Variants in KLHL29 observed in about 807,000 individuals in gnomAD.
KLHL29 encodes kelch-like protein 29.
A neutral mutation model predicts 80.4 loss-of-function variants in KLHL29; 21 were observed. The ratio of observed to expected loss-of-function variants is 0.26; its 90% CI spans 0.19 to 0.38. The LOEUF (loss-of-function observed/expected upper bound fraction) is 0.38, where lower values mean the gene tolerates loss of function less well. KLHL29 is among the 10% of genes least tolerant of loss of function. KLHL29 has a pLI of 1.00. For missense variants in KLHL29, 867 were observed against 1,223.9 expected, an observed-to-expected ratio of 0.71 and a Z score of 4.35; for synonymous variants, 511 against 526.8, an observed-to-expected ratio of 0.97 and a Z score of 0.41.
chr2:23,601,549 G>A (rs115134765), intron 3 of KLHL29, among the ~76,000 whole-genome samples: 133 of 152,304 alleles, frequency 8.7e-4, no homozygotes, highest in African/African-American at 3.1e-3. Context: ...GATTGCAAAC[G>A]AGACCAGGCC....
intron 2 of KLHL29, among the ~76,000 whole-genome samples, chr2:23,561,592 A>G (rs1293411510): frequency 6.6e-6 from 1 of 152,292 alleles, no homozygotes; most frequent in East Asian, 1.9e-4. Flanking sequence ...ACTTTCTAGT[A>G]CTCGAACCTC....
intron 1 of KLHL29, among the ~76,000 whole-genome samples, chr2:23,437,769 C>T (rs1454257954): frequency 6.6e-6 from 1 of 152,206 alleles, no homozygotes; most frequent in Non-Finnish European, 1.5e-5. Flanking sequence ...GTTCTTTTGG[C>T]TCAGGATTGA....
chr2:23,469,238 G>A (rs1558349598), intron 1 of KLHL29, among the ~76,000 whole-genome samples: 1 of 152,290 alleles, frequency 6.6e-6, no homozygotes, highest in East Asian at 1.9e-4. Context: ...GGGAGTAGGC[G>A]CTGTGAGTCT....
intron 1 of KLHL29, among the ~76,000 whole-genome samples, chr2:23,411,806 G>C (rs1183400599): frequency 6.6e-6 from 1 of 152,096 alleles, no homozygotes; most frequent in East Asian, 1.9e-4. Flanking sequence ...TGGCAGAGTG[G>C]AGATAAGTTT....
rs549418584 is a variant in KLHL29 at position 23,472,342 on chromosome 2, G to C, written c.-153-3218G>C. 1.1e-4 allele frequency among the ~76,000 whole-genome samples: 17 copies of C among 152,256 alleles called. 1 individual carries two copies. The South Asian group carries it at 3.3e-3, about 30-fold the overall frequency. On this transcript the variant is annotated intron_variant, in intron 1 of 13. Transcript: ENST00000486442. ...ATGGCACTTCTGAGATGGTGATGCT[G>C]AGATGGAGGAAGAGGAGGAGGATGT...
At position 23,691,819 on chromosome 2, in the gene KLHL29, G is replaced by A. The variant is rs1221856092; in HGVS notation, c.1225G>A (p.Glu409Lys). 1 of 1,551,618 alleles carries A rather than the reference G, an allele frequency of 6.4e-7. No individual in the cohort carries two copies. ...IDSANAKTLL[E>K]AASKFQFHTF... is the part of the protein sequence containing the mutation. ...CTCGGCCAACGCCAAGACACTGCTG[G>A]AGGCGGCCAGCAAGTTCCAGTTCCA... The change falls in exon 7 of 14, where the codon GAG becomes AAG. Residue 409 changes from glutamate to lysine, a missense_variant. By Grantham distance (56) the Glu-to-Lys change is moderately conservative (BLOSUM62 1). Transcript: ENST00000486442.
chr2:23,396,334 C>T (rs1410067915), intron 1 of KLHL29, among the ~76,000 whole-genome samples: 3 of 152,232 alleles, frequency 2.0e-5, no homozygotes, highest in Non-Finnish European at 4.4e-5. Context: ...CACCCACATA[C>T]ATCCTGAGGC....
At chr2:23,389,571 G>A (rs1666267513) in intron 1 of KLHL29, among the ~76,000 whole-genome samples, 1 of 152,096 alleles carries the variant, frequency 6.6e-6, no homozygotes, top group South Asian at 2.1e-4. Flanking sequence ...TGTGTAAGAG[G>A]ACTGGAGAAC....
intron 3 of KLHL29, among the ~76,000 whole-genome samples, chr2:23,625,212 T>C (rs1231204884): frequency 1.3e-5 from 2 of 152,254 alleles, no homozygotes; most frequent in African/African-American, 2.4e-5. Context: ...AGCCACATGG[T>C]CTGTGCTCAG....
At chr2:23,592,925 TGGTTTTGTA>T (rs1460543268) in intron 3 of KLHL29, among the ~76,000 whole-genome samples, 1 of 152,150 alleles carries the variant, frequency 6.6e-6, no homozygotes, top group Non-Finnish European at 1.5e-5. Flanking sequence ...TTCCACCATT[TGGTTTTGTA>T]GGTCTTTAAG....
chr2:23,537,753 GGA>G (rs1433560193), intron 2 of KLHL29, among the ~76,000 whole-genome samples: 1 of 152,160 alleles, frequency 6.6e-6, no homozygotes, highest in Non-Finnish European at 1.5e-5. Flanking sequence ...GTGGGAAACT[GGA>G]GAGGCAGGGC....
intron 2 of KLHL29, among the ~76,000 whole-genome samples, chr2:23,546,441 A>C (rs916444509): frequency 1.3e-5 from 2 of 152,040 alleles, no homozygotes; most frequent in African/African-American, 4.8e-5. Context: ...TTATATCAAG[A>C]TGTGAAATAA....
At chr2:23,476,203 A>G (rs1664637476) in intron 2 of KLHL29, among the ~76,000 whole-genome samples, 1 of 151,988 alleles carries the variant, frequency 6.6e-6, no homozygotes, top group Non-Finnish European at 1.5e-5. Flanking sequence ...TTCCTTGCTT[A>G]CCTGGGTCTT....
At position 23,596,454 on chromosome 2, in the gene KLHL29, G is replaced by A. The variant is rs1668396050; in HGVS notation, c.285+33973G>A. ...CCCGTTTCATAAGCGCACTCACGTTGGAGCAGAACAGAGTCACTAGGAGGC... is the reference window on the plus strand; with the variant it reads ...CCCGTTTCATAAGCGCACTCACGTTAGAGCAGAACAGAGTCACTAGGAGGC... On this transcript the variant is annotated intron_variant, in intron 3 of 13. Coordinates refer to ENST00000486442, the MANE Select transcript of KLHL29 (RefSeq NM_052920.2). This position sits in a 1 kb window ranked among gnomAD's most constrained non-coding sequence, Gnocchi z 4.4. Among the ~76,000 whole-genome samples, 2 of 152,142 alleles carry A rather than the reference G, an allele frequency of 1.3e-5. No individual in the cohort carries two copies. The highest frequency in any genetic ancestry group is 1.3e-4 in the Admixed American group (2 of 15,270).
intron 1 of KLHL29, among the ~76,000 whole-genome samples, chr2:23,441,537 C>T (rs962241920): frequency 6.6e-6 from 1 of 151,322 alleles, no homozygotes; most frequent in Non-Finnish European, 1.5e-5. Flanking sequence ...AACTTAGTAA[C>T]CTAAAAGAAC....
intron 2 of KLHL29, among the ~76,000 whole-genome samples, chr2:23,533,933 TTG>T (rs1263220057): frequency 8.1e-6 from 1 of 123,952 alleles, no homozygotes; most frequent in Non-Finnish European, 2.0e-5. Flanking sequence ...ATGGTGTCTG[TTG>T]TTTTTTTTTT....
rs146111653 is a variant in KLHL29 at position 23,706,410 on chromosome 2, C to T, written c.2445-71C>T. The T allele has an allele frequency of 2.9e-4, 363 of 1,235,970 alleles. 1 individual carries two copies. In the East Asian group the frequency reaches 6.9e-3, roughly 23 times the overall value. 76.6% of individuals were successfully genotyped at this position (1,235,970 alleles called of 1,614,324 possible). ...ACAGGCAGCCTACAACAGGACACGA[C>T]GTTGAGAACCTATCTCCAGGGCCAA... On this transcript the variant is annotated intron_variant, in intron 13 of 13. Transcript: ENST00000486442.
intron 3 of KLHL29, among the ~76,000 whole-genome samples, chr2:23,626,738 C>T (rs1669318771): frequency 6.6e-6 from 1 of 152,216 alleles, no homozygotes; most frequent in Non-Finnish European, 1.5e-5. Context: ...GTGGATGACG[C>T]CCCTGCAGGC....
chr2:23,472,431 C>G (rs1480738496), intron 1 of KLHL29, among the ~76,000 whole-genome samples: 3 of 152,100 alleles, frequency 2.0e-5, no homozygotes, highest in Admixed American at 1.3e-4. Context: ...GTCAGAAGAT[C>G]AAGACCATCC....
Sources: allele counts gnomAD v4.1 joint callset (sites outside exome capture counted in the v4.1 genomes callset), GRCh38; gene constraint gnomAD v4.1.1; non-coding constraint Gnocchi (gnomAD v3.1); transcripts MANE v1.5; gene names NCBI Gene and HGNC (gene_info 2026-07-23, HGNC 2026-07-21).